AVEN: variants seen among roughly 807,000 people sequenced by gnomAD.
AVEN encodes cell death regulator Aven.
Under a neutral mutation model 38.1 loss-of-function variants are expected in AVEN, and 41 were observed. The observed-to-expected ratio is 1.08, with a 90% CI of 0.84 to 1.40. The LOEUF (loss-of-function observed/expected upper bound fraction) is 1.40, where lower values mean the gene tolerates loss of function less well. Ranked by LOEUF, AVEN falls within the 40% of genes most tolerant of loss-of-function variation. The probability of loss-of-function intolerance (pLI) is 0.00; values close to 1 mark genes in which losing one functional copy is unlikely to be tolerated. For synonymous variants in AVEN, 206 were observed against 171.8 expected, an observed-to-expected ratio of 1.20 and a Z score of -1.56; for missense variants, 605 against 438.8, an observed-to-expected ratio of 1.38 and a Z score of -3.38.
At chr15:33,892,616 T>C (rs1445304483) in intron 2 of AVEN, among the ~76,000 whole-genome samples, 1 of 151,992 alleles carries the variant, frequency 6.6e-6, no homozygotes, top group Non-Finnish European at 1.5e-5. Context: ...ACCATGCTGT[T>C]TGGTAGCCTT....
chr15:33,861,344 T>C (rs183082064), downstream of AVEN, among the ~76,000 whole-genome samples: 3 of 152,320 alleles, frequency 2.0e-5, no homozygotes, highest in East Asian at 3.9e-4. Flanking sequence ...CCATGTGTGA[T>C]AGACGTGTGT....
chr15:34,052,098 A>G (rs550368560), intron 5 of AVEN, among the ~76,000 whole-genome samples: 7 of 151,326 alleles, frequency 4.6e-5, no homozygotes, highest in African/African-American at 7.4e-5. Flanking sequence ...AAAATCCTCA[A>G]TGAAATACTG....
chr15:34,020,140 T>C (rs1049207604), intron 1 of AVEN, among the ~76,000 whole-genome samples: 2 of 151,954 alleles, frequency 1.3e-5, no homozygotes, highest in Non-Finnish European at 2.9e-5. Flanking sequence ...TGAAACCCCG[T>C]CTCTACTAAA....
At chr15:34,030,158 G>A (rs1022989479) in intron 1 of AVEN, among the ~76,000 whole-genome samples, 5 of 152,196 alleles carry the variant, frequency 3.3e-5, no homozygotes, top group African/African-American at 1.2e-4. Context: ...GGAGGCTGAG[G>A]CAGGAGAATC....
chr15:33,948,864 G>A (rs1894610561), intron 2 of AVEN, among the ~76,000 whole-genome samples: 1 of 151,958 alleles, frequency 6.6e-6, no homozygotes, highest in Admixed American at 6.6e-5. Context: ...TCGAGACAGG[G>A]GATTCATCAT....
intron 1 of AVEN, among the ~76,000 whole-genome samples, chr15:34,025,695 C>A (rs187370862): frequency 6.6e-6 from 1 of 151,956 alleles, no homozygotes; most frequent in Non-Finnish European, 1.5e-5. Flanking sequence ...TCATATCCAC[C>A]GCTCAAAGGT....
chr15:34,010,328 A>C (rs1349148193), intron 1 of AVEN, among the ~76,000 whole-genome samples: 2 of 152,234 alleles, frequency 1.3e-5, no homozygotes, highest in Non-Finnish European at 2.9e-5. Context: ...TTCCAAAATA[A>C]ATAAATAAAT....
intron 2 of AVEN, among the ~76,000 whole-genome samples, chr15:33,987,593 A>G (rs1375046371): frequency 6.6e-6 from 1 of 152,146 alleles, no homozygotes; most frequent in African/African-American, 2.4e-5. Context: ...TTCTCCAACC[A>G]TGAGCTCCCA....
chr15:33,892,211 G>A (rs1489961383), intron 2 of AVEN, among the ~76,000 whole-genome samples: 1 of 152,170 alleles, frequency 6.6e-6, no homozygotes, highest in Non-Finnish European at 1.5e-5. Flanking sequence ...CTTTTGCTGT[G>A]CAGAAGCTCT....
In AVEN at chr15:33,980,468, C is replaced by T. The variant is rs553024118; in HGVS notation, c.445+22564G>A. ...CAAACGTGCTGCCTCCCAGGCAACACGTCCTCTGATTTCTCTTGTTGTGGG... is the reference window on the plus strand; with the variant it reads ...CAAACGTGCTGCCTCCCAGGCAACATGTCCTCTGATTTCTCTTGTTGTGGG... On this transcript the variant is annotated intron_variant, in intron 2 of 5. Coordinates refer to ENST00000306730, the MANE Select transcript of AVEN (RefSeq NM_020371.3). 1.3e-3 allele frequency among the ~76,000 whole-genome samples: 195 copies of T among 152,286 alleles called. No individual in the cohort carries two copies. In the Middle Eastern group the frequency reaches 0.02, roughly 16 times the overall value.
chr15:33,945,214 C>T (rs1319501106), intron 2 of AVEN, among the ~76,000 whole-genome samples: 1 of 152,130 alleles, frequency 6.6e-6, no homozygotes, highest in African/African-American at 2.4e-5. Context: ...AGAGACATTT[C>T]GCTTATAAGA....
chr15:33,935,801 C>T (rs1894038825), intron 2 of AVEN, among the ~76,000 whole-genome samples: 1 of 152,098 alleles, frequency 6.6e-6, no homozygotes, highest in Middle Eastern at 3.2e-3. Context: ...CTAATTTTTA[C>T]TTCTTTTAAT....
chr15:33,946,647 T>TTTTGGGTAGATCTC (rs1894519795), intron 2 of AVEN, among the ~76,000 whole-genome samples: 1 of 152,154 alleles, frequency 6.6e-6, no homozygotes, highest in Non-Finnish European at 1.5e-5. Flanking sequence ...GGGGCAGTTT[T>TTTTGGGTAGATCTC]TGCTACAGAG....
chr15:33,947,972 T>G (rs960513829), intron 2 of AVEN, among the ~76,000 whole-genome samples: 9 of 152,214 alleles, frequency 5.9e-5, no homozygotes, highest in South Asian at 2.1e-4. Context: ...GCATTAAAAA[T>G]CTTTTCAAAC....
chr15:33,885,339 C>T (rs533154573), intron 2 of AVEN, among the ~76,000 whole-genome samples: 4 of 152,272 alleles, frequency 2.6e-5, no homozygotes, highest in Admixed American at 2.6e-4. Context: ...TGACACAGAT[C>T]AATCCAGGGA....
intron 1 of AVEN, among the ~76,000 whole-genome samples, chr15:34,013,054 T>G (rs1250461287): frequency 6.8e-6 from 1 of 147,938 alleles, no homozygotes; most frequent in Admixed American, 6.8e-5. Flanking sequence ...ATCACAGTGG[T>G]TTTTTTGTTT....
intron 2 of AVEN, among the ~76,000 whole-genome samples, chr15:33,980,012 T>C (rs11629789): frequency 0.031 from 4,791 of 152,218 alleles, 111 homozygotes; most frequent in Non-Finnish European, 0.046. Context: ...TTTTTCACTA[T>C]GATTGTAAAG....
intron 2 of AVEN, among the ~76,000 whole-genome samples, chr15:33,891,516 T>C (rs1477470215): frequency 3.9e-5 from 6 of 152,146 alleles, no homozygotes; most frequent in Admixed American, 1.3e-4. Flanking sequence ...CTGCTGAGAA[T>C]GATGGTTTCC....
At chr15:34,055,980 A>G (rs1225782832) in intron 5 of AVEN, among the ~76,000 whole-genome samples, 2 of 152,154 alleles carry the variant, frequency 1.3e-5, no homozygotes, top group Non-Finnish European at 2.9e-5. Context: ...AGCCTCCCAA[A>G]GTGCTGGGAT....
Sources: gnomAD v4.1 joint callset for allele counts (sites outside exome capture counted in the v4.1 genomes callset) on GRCh38, gnomAD v4.1.1 for gene constraint, MANE v1.5 for transcripts, NCBI Gene and HGNC (gene_info 2026-07-23, HGNC 2026-07-21) for gene names.